Variants in TMPRSS11D observed in about 807,000 individuals in gnomAD.
TMPRSS11D encodes the protein transmembrane serine protease 11D, also known as transmembrane protease serine 11D.
Under a neutral mutation model 44.4 loss-of-function variants are expected in TMPRSS11D, and 32 were observed. The ratio of observed to expected loss-of-function variants is 0.72; its 90% CI spans 0.54 to 0.97. The LOEUF (loss-of-function observed/expected upper bound fraction) is 0.97. Among genes scored for constraint, TMPRSS11D ranks in the 50% least tolerant of loss-of-function variants. The probability of loss-of-function intolerance (pLI) is 0.00; values close to 1 mark genes in which losing one functional copy is unlikely to be tolerated. For missense variants in TMPRSS11D, 446 were observed against 502.6 expected (o/e 0.89, Z 1.08); for synonymous variants, 179 against 177.9 (o/e 1.01, Z -0.05).
At chr4:67,828,919 T>G (rs1184432795) in intron 7 of TMPRSS11D, among the ~76,000 whole-genome samples, 1 of 152,072 alleles carries the variant, frequency 6.6e-6, no homozygotes, top group Non-Finnish European at 1.5e-5. Context: ...CTTCTTCTTA[T>G]GAGAGTAAGA....
chr4:67,866,894 A>G (rs1718937962), intron 1 of TMPRSS11D, among the ~76,000 whole-genome samples: 1 of 152,142 alleles, frequency 6.6e-6, no homozygotes, highest in Non-Finnish European at 1.5e-5. Flanking sequence ...TGTCATTAAA[A>G]TGACCATACT....
chr4:67,858,954 TAAACA>T (rs1216338399), intron 2 of TMPRSS11D, among the ~76,000 whole-genome samples: 6 of 152,078 alleles, frequency 3.9e-5, no homozygotes, highest in African/African-American at 7.2e-5. Flanking sequence ...AATAAAAAAT[TAAACA>T]AAACAAAAGA....
At chr4:67,855,097 A>T (rs1718602213) in intron 2 of TMPRSS11D, among the ~76,000 whole-genome samples, 2 of 152,078 alleles carry the variant, frequency 1.3e-5, no homozygotes, top group African/African-American at 4.8e-5. Context: ...TCTACTAAAT[A>T]TACAAAAATT....
Position 67,883,301 on chromosome 4 carries a change from G to A in TMPRSS11D, c.8+625C>T, listed in dbSNP as rs577100498. On this transcript the variant is annotated intron_variant, in intron 1 of 9. Coordinates refer to ENST00000283916, the MANE Select transcript of TMPRSS11D (RefSeq NM_004262.3). ...TATTTCATTGTTTTGAGATGTTAAC[G>A]TGTGACTTGATTATCTCACAACTTT... Among the ~76,000 whole-genome samples, 5 of 152,052 alleles carry A rather than the reference G, an allele frequency of 3.3e-5. No individual in the cohort carries two copies. In the South Asian group the frequency reaches 6.2e-4, roughly 19 times the overall value.
In TMPRSS11D at chr4:67,859,603, C is replaced by A. The variant is rs745584019; in HGVS notation, c.84G>T (p.Val28=). The A allele has an allele frequency of 1.2e-6, 2 of 1,613,264 alleles. No individual in the cohort carries two copies. The highest frequency in any genetic ancestry group is 4.5e-5 in the East Asian group (2 of 44,854). The part of the protein sequence containing the change: ...VVCFIVVAGV[V]ILAVTIALLV... ...GTAGAGCTATGGTGACTGCCAGGAT[C>A]ACTACCCCTGCGACGACAATGAAAC... The change falls in exon 2 of 10, where the codon GTG becomes GTT. Residue 28 remains valine, a synonymous_variant. Coordinates refer to ENST00000283916, the MANE Select transcript of TMPRSS11D (RefSeq NM_004262.3).
chr4:67,877,361 G>A (rs960620075), intron 1 of TMPRSS11D, among the ~76,000 whole-genome samples: 2 of 152,048 alleles, frequency 1.3e-5, no homozygotes, highest in Admixed American at 6.6e-5. Flanking sequence ...TTCCTGTACT[G>A]AATCCAGTAC....
chr4:67,869,563 T>G (rs1719007225), intron 1 of TMPRSS11D, among the ~76,000 whole-genome samples: 1 of 152,194 alleles, frequency 6.6e-6, no homozygotes, highest in South Asian at 2.1e-4. Flanking sequence ...CATGTGAGAC[T>G]AAAAACACAG....
At chr4:67,856,383 G>A (rs968762582) in intron 2 of TMPRSS11D, among the ~76,000 whole-genome samples, 2 of 152,086 alleles carry the variant, frequency 1.3e-5, no homozygotes, top group African/African-American at 4.8e-5. Context: ...AATGGGGAAA[G>A]CACACTCTTT....
Position 67,821,538 on chromosome 4 carries a change from T to C in TMPRSS11D, c.*799A>G, listed in dbSNP as rs1717642297. 6.6e-6 allele frequency: 1 copy of C among 152,202 alleles called. No homozygotes were observed. The highest frequency in any genetic ancestry group is 2.4e-5 in the African/African-American group (1 of 41,450). The allele number at this position is 152,202 out of a possible 1,614,324, so 9.4% of individuals were successfully genotyped here. Reference sequence around the variant, plus strand: ...ATTATTTTGTTGTTAAAAAGTACTATGTAGTTGTAAAGCACCTGACAAGTT... The same window carrying C: ...ATTATTTTGTTGTTAAAAAGTACTACGTAGTTGTAAAGCACCTGACAAGTT... On this transcript the variant is annotated 3_prime_UTR_variant, in exon 10 of 10. Coordinates refer to ENST00000283916, the MANE Select transcript of TMPRSS11D (RefSeq NM_004262.3).
chr4:67,827,410 G>A lies in TMPRSS11D; in HGVS notation c.803C>T (p.Thr268Ile), dbSNP rs762985866. 2 of 1,613,108 alleles carry A rather than the reference G, an allele frequency of 1.2e-6. No individual in the cohort carries two copies. Among genetic ancestry groups the A allele is most frequent in the Non-Finnish European group, 1.7e-6 (2 of 1,179,482 alleles). Residue 268 changes from threonine (T) to isoleucine (I), a missense_variant, in exon 8 of 10, where the codon ACT becomes ATT. By Grantham distance (89) the Thr-to-Ile change is moderately conservative. Coordinates refer to ENST00000283916, the MANE Select transcript of TMPRSS11D (RefSeq NM_004262.3). ...CACAAGTGCAATGTCATTTTCATGAGTTGCAGATTTATAATTGTTATGAAT... is the reference window on the plus strand; with the variant it reads ...CACAAGTGCAATGTCATTTTCATGAATTGCAGATTTATAATTGTTATGAAT... ...ILIHNNYKSATHENDIALVRL... is the reference protein window; with the variant it reads ...ILIHNNYKSAIHENDIALVRL...
At chr4:67,845,528 A>G (rs1718337554) in intron 3 of TMPRSS11D, among the ~76,000 whole-genome samples, 1 of 152,194 alleles carries the variant, frequency 6.6e-6, no homozygotes, top group African/African-American at 2.4e-5. Flanking sequence ...TGCAAATCAT[A>G]GAGACGATGT....
At chr4:67,854,882 C>T (rs2109684368) in intron 2 of TMPRSS11D, among the ~76,000 whole-genome samples, 1 of 152,250 alleles carries the variant, frequency 6.6e-6, no homozygotes. Context: ...TCAAAAACAT[C>T]AAACAGGAGG....
chr4:67,856,272 G>T (rs1256907731), intron 2 of TMPRSS11D, among the ~76,000 whole-genome samples: 1 of 152,030 alleles, frequency 6.6e-6, no homozygotes. Context: ...GAATGGTATT[G>T]GTATAAAAAC....
At chr4:67,844,932 T>C (rs996269547) in intron 3 of TMPRSS11D, among the ~76,000 whole-genome samples, 1 of 152,196 alleles carries the variant, frequency 6.6e-6, no homozygotes, top group African/African-American at 2.4e-5. Context: ...AAAGGAGATA[T>C]TTTAATAAAA....
At chr4:67,837,038 C>G (rs1718106744) in intron 5 of TMPRSS11D, among the ~76,000 whole-genome samples, 1 of 152,072 alleles carries the variant, frequency 6.6e-6, no homozygotes, top group South Asian at 2.1e-4. Context: ...CACACTGGGC[C>G]CTTGATCATA....
At chr4:67,841,960 C>T (rs749309340) in intron 4 of TMPRSS11D, among the ~76,000 whole-genome samples, 35 of 152,050 alleles carry the variant, frequency 2.3e-4, no homozygotes, top group African/African-American at 7.7e-4. Flanking sequence ...GAGACATTTG[C>T]GGGAGAGTCA....
In TMPRSS11D at chr4:67,851,506, G is replaced by A. The variant is rs181342950; in HGVS notation, c.249+2562C>T. Reference sequence around the variant, plus strand: ...TTTGCTGTCCTCCACTGAGGGAGGCGCACCTCCTAGCCTCACCCGGACTAT... The same window carrying A: ...TTTGCTGTCCTCCACTGAGGGAGGCACACCTCCTAGCCTCACCCGGACTAT... On this transcript the variant is annotated intron_variant, in intron 3 of 9. Transcript: ENST00000283916. Among the ~76,000 whole-genome samples the A allele has an allele frequency of 1.3e-4, 20 of 152,234 alleles. 1 individual carries two copies. Among genetic ancestry groups the A allele is most frequent in the South Asian group, 4.1e-4 (2 of 4,828 alleles).
At chr4:67,873,865 T>C (rs1231873086) in intron 1 of TMPRSS11D, among the ~76,000 whole-genome samples, 1 of 152,068 alleles carries the variant, frequency 6.6e-6, no homozygotes, top group Non-Finnish European at 1.5e-5. Flanking sequence ...CCCAAGTAAA[T>C]AGGCAATCCT....
chr4:67,883,232 T>C (rs1357209270), intron 1 of TMPRSS11D, among the ~76,000 whole-genome samples: 3 of 151,986 alleles, frequency 2.0e-5, no homozygotes, highest in Non-Finnish European at 4.4e-5. Context: ...ATATGCATAA[T>C]ATATACACTT....
Sources: allele counts gnomAD v4.1 joint callset (sites outside exome capture counted in the v4.1 genomes callset), GRCh38; gene constraint gnomAD v4.1.1; transcripts MANE v1.5; gene names NCBI Gene and HGNC (gene_info 2026-07-23, HGNC 2026-07-21).